The following PATL1 variants were observed in gnomAD, a reference collection of about 807,000 sequenced individuals.
PATL1 encodes PAT1 homolog 1, processing body mRNA decay factor.
Under a neutral mutation model 100.6 loss-of-function variants are expected in PATL1, and 32 were observed. The ratio of observed to expected loss-of-function variants is 0.32; its 90% confidence interval spans 0.24 to 0.43. PATL1 has a LOEUF of 0.43. PATL1 is among the 20% of genes least tolerant of loss of function. The pLI is 1.00. For missense variants in PATL1, 747 were observed against 949.9 expected (o/e 0.79, Z 2.81); for synonymous variants, 332 against 330.0 (o/e 1.01, Z -0.07).
Position 59,639,172 on chromosome 11 carries a change from G to T in PATL1, c.2167C>A (p.Arg723=). 1 of 1,613,928 alleles carries T rather than the reference G, an allele frequency of 6.2e-7. No individual in the cohort carries two copies. The highest frequency in any genetic ancestry group is 1.3e-5 in the African/African-American group (1 of 75,030). Residue 723 remains arginine, a synonymous_variant, in exon 18 of 19, where the codon CGA becomes AGA. Transcript: ENST00000300146. ...GCTTGGGGAATCCGCAGAAGTTCTC[G>T]TGTTGCCATGAACATCACCTCCGTC... ...QWTEVMFMAT[R]ELLRIPQAAL...
At chr11:59,656,206 TA>T (rs1486972571) in intron 6 of PATL1, among the ~76,000 whole-genome samples, 161 bp from the exon 7 acceptor site, 1 of 152,092 alleles carries the variant, frequency 6.6e-6, no homozygotes, top group Non-Finnish European at 1.5e-5. Context: ...CTAGAAATTA[TA>T]AAAACACCAT....
At chr11:59,665,862 C>G (rs1378494568) in intron 2 of PATL1, among the ~76,000 whole-genome samples, 1 of 148,882 alleles carries the variant, frequency 6.7e-6, no homozygotes, top group Non-Finnish European at 1.5e-5. Flanking sequence ...TACACCTGTT[C>G]TAAGTAACAT....
At chr11:59,638,566 CCT>C (rs1214198230) in intron 18 of PATL1, among the ~76,000 whole-genome samples, 155 bp from the exon 19 acceptor site, 1 of 152,078 alleles carries the variant, frequency 6.6e-6, no homozygotes, top group African/African-American at 2.4e-5. Flanking sequence ...TTATGAAGGC[CCT>C]GTTGTACCCA....
In PATL1 at chr11:59,650,900, AATAC is replaced by A. The variant is rs1396504295; in HGVS notation, c.1525-91_1525-88del. On this transcript the variant is annotated intron_variant, in intron 12 of 18. Coordinates refer to ENST00000300146, the MANE Select transcript of PATL1 (RefSeq NM_152716.3). ...GCGCATTTGTAGGTTCATTTGTGAC[AATAC>A]TTTGAGAAGATAATTGATTCTCTGA... The A allele has an allele frequency of 4.4e-6, 4 of 905,104 alleles. No individual in the cohort carries two copies. The Admixed American group carries it at 8.3e-5, about 19-fold the overall frequency. 56.1% of individuals were successfully genotyped at this position (905,104 alleles called of 1,614,324 possible). A position where few individuals can be genotyped will look rare whatever the true frequency, so the allele number is the denominator to read the frequency against.
chr11:59,658,083 G>A (rs549371287), intron 4 of PATL1, among the ~76,000 whole-genome samples: 147 of 151,850 alleles, frequency 9.7e-4, no homozygotes, highest in African/African-American at 3.4e-3. Flanking sequence ...AGGATCACTT[G>A]AGCCCGGAAG....
intron 10 of PATL1, 44 bp downstream of exon 10, chr11:59,652,794 A>G: frequency 6.3e-7 from 1 of 1,590,840 alleles, no homozygotes; most frequent in Non-Finnish European, 8.6e-7. Context: ...TCACCAGTGT[A>G]GGGGACCAAA....
intron 13 of PATL1, among the ~76,000 whole-genome samples, chr11:59,650,053 G>A (rs773752148): frequency 5.3e-5 from 8 of 151,554 alleles, no homozygotes; most frequent in Non-Finnish European, 8.8e-5. Context: ...CCCGGTAGGC[G>A]GAGGTTGCAG....
intron 14 of PATL1, among the ~76,000 whole-genome samples, chr11:59,649,014 T>C (rs527361214): frequency 1.3e-5 from 2 of 152,360 alleles, no homozygotes; most frequent in East Asian, 1.9e-4. Context: ...GGATTCCCCA[T>C]TGGAAGACTG....
In PATL1 at chr11:59,652,516, G is replaced by A; in HGVS notation, c.1374C>T (p.Arg458=). ...EIQGDGPKKE[R]TKLITPQVAK... is the part of the protein sequence containing the mutation. ...CCACCTGAGGGGTGATAAGCTTGGT[G>A]CGCTCCTTCTTAGGGCCATCACCTT... The change falls in exon 11 of 19, where the codon CGC becomes CGT. Residue 458 remains arginine (R), a synonymous_variant. Coordinates refer to ENST00000300146, the MANE Select transcript of PATL1 (RefSeq NM_152716.3). 1.2e-6 allele frequency: 2 copies of A among 1,613,924 alleles called. No homozygotes were observed. Among genetic ancestry groups the A allele is most frequent in the South Asian group, 2.2e-5 (2 of 91,072 alleles).
chr11:59,639,827 A>T (rs1861249862), intron 16 of PATL1: 1 of 155,946 alleles, frequency 6.4e-6, no homozygotes, highest in Non-Finnish European at 1.4e-5. Flanking sequence ...TTTTGAATTA[A>T]GAAACAAGGT....
At position 59,655,584 on chromosome 11, in the gene PATL1, A is replaced by G. The variant is rs1466264626; in HGVS notation, c.970T>C (p.Ser324Pro). Residue 324 changes from serine to proline, a missense_variant, in exon 8 of 19, where the codon TCC becomes CCC. By Grantham distance (74) the Ser-to-Pro change is moderately conservative. Coordinates refer to ENST00000300146, the MANE Select transcript of PATL1 (RefSeq NM_152716.3). ...TGCTGCTGTGGAGGTGGTGTAGCGGAGGGTGGAGCACTAAAGAAGGCACGG... is the reference window on the plus strand; with the variant it reads ...TGCTGCTGTGGAGGTGGTGTAGCGGGGGGTGGAGCACTAAAGAAGGCACGG... ...GFRAFFSAPP[S>P]ATPPPQQHPP... 1.3e-6 allele frequency: 2 copies of G among 1,591,010 alleles called. No homozygotes were observed. Among genetic ancestry groups the G allele is most frequent in the Admixed American group, 3.6e-5 (2 of 55,744 alleles).
rs918557898 is a variant in PATL1 at position 59,639,339 on chromosome 11, G to C, written c.2094C>G (p.Asp698Glu). The change falls in exon 17 of 19, where the codon GAC becomes GAG. Residue 698 changes from aspartate (D) to glutamate (E), a missense_variant. Physicochemically the swap from Asp to Glu is conservative, Grantham distance 45. Around this residue, in one of 4 missense-constraint regions of PATL1, gnomAD observed 434 missense variants for 596.1 expected, o/e 0.73. Coordinates refer to ENST00000300146, the MANE Select transcript of PATL1 (RefSeq NM_152716.3). ...LLLILLSRGE[D>E]LQSSDPATES... ...CTGTAGCAGGGTCTGAACTCTGTAGGTCTTCACCACGGCTCAGGAGGATGA... is the reference window on the plus strand; with the variant it reads ...CTGTAGCAGGGTCTGAACTCTGTAGCTCTTCACCACGGCTCAGGAGGATGA... 3.9e-6 allele frequency: 6 copies of C among 1,550,772 alleles called. No individual in the cohort carries two copies. The African/African-American group carries it at 6.8e-5, about 18-fold the overall frequency.
At chr11:59,646,400 G>T (rs1301550983) in intron 15 of PATL1, among the ~76,000 whole-genome samples, 3 of 150,594 alleles carry the variant, frequency 2.0e-5, no homozygotes, top group African/African-American at 7.3e-5. Flanking sequence ...TGCCCAGGAT[G>T]GTCTTGAACT....
At chr11:59,646,994 A>G (rs1366743128) in intron 15 of PATL1, among the ~76,000 whole-genome samples, 1 of 152,084 alleles carries the variant, frequency 6.6e-6, no homozygotes, top group African/African-American at 2.4e-5. Context: ...CCAAGGCAAG[A>G]GGACTGCACG....
chr11:59,646,997 A>G (rs1026149971), intron 15 of PATL1, among the ~76,000 whole-genome samples: 2 of 152,102 alleles, frequency 1.3e-5, no homozygotes, highest in African/African-American at 2.4e-5. Flanking sequence ...AGGCAAGAGG[A>G]CTGCACGAGT....
chr11:59,650,476 A>G (rs887833383), intron 13 of PATL1, among the ~76,000 whole-genome samples: 3 of 152,254 alleles, frequency 2.0e-5, no homozygotes, highest in Non-Finnish European at 4.4e-5. Flanking sequence ...TAGAAAGGTG[A>G]CTTGCCCAGA....
chr11:59,640,266 G>A (rs1028613943), intron 16 of PATL1, among the ~76,000 whole-genome samples: 3 of 149,776 alleles, frequency 2.0e-5, no homozygotes, highest in Middle Eastern at 3.6e-3. Context: ...GTTGGAACCC[G>A]GGAGCTGGAG....
chr11:59,649,337 AAGGATAGATTCTG>A, intron 14 of PATL1, 112 bp downstream of exon 14: 2 of 971,234 alleles, frequency 2.1e-6, no homozygotes, highest in Non-Finnish European at 3.0e-6. Context: ...GTTAGGCTAA[AAGGATAGATTCTG>A]AGCTTACAGA....
intron 7 of PATL1, 33 bp from the exon 8 acceptor site, chr11:59,655,773 A>C (rs1232694750): frequency 6.5e-7 from 1 of 1,529,882 alleles, no homozygotes; most frequent in African/African-American, 1.4e-5. Context: ...AGATTTAGAC[A>C]ATCAGCAAGT....
Sources: allele counts gnomAD v4.1 joint callset (sites outside exome capture counted in the v4.1 genomes callset), GRCh38; gene constraint gnomAD v4.1.1; regional missense constraint gnomAD v4.1.1; transcripts MANE v1.5; gene names NCBI Gene and HGNC (gene_info 2026-07-23, HGNC 2026-07-21).